The following ANK3 variants were observed in gnomAD, a reference collection of about 807,000 sequenced individuals.
ANK3 encodes ankyrin 3.
Under a neutral mutation model 370.9 loss-of-function variants are expected in ANK3, and 57 were observed. The ratio of observed to expected loss-of-function variants is 0.15; its 90% CI spans 0.12 to 0.19. ANK3 has a LOEUF of 0.19. Ranked by LOEUF, ANK3 falls within the 10% of genes least tolerant of loss-of-function variation. The probability of loss-of-function intolerance (pLI) is 1.00; values close to 1 mark genes in which losing one functional copy is unlikely to be tolerated. For synonymous variants in ANK3, 1,929 were observed against 1,946.3 expected (o/e 0.99, Z 0.23); for missense variants, 4,439 against 5,302.1 (o/e 0.84, Z 5.06).
intron 1 of ANK3, among the ~76,000 whole-genome samples, chr10:60,687,965 C>G (rs929953513): frequency 2.0e-5 from 3 of 152,128 alleles, no homozygotes; most frequent in African/African-American, 4.8e-5. Flanking sequence ...GTGACAGAGA[C>G]ACAAACATTT....
chr10:60,684,437 T>A (rs2079241167), intron 1 of ANK3: 3 of 882,160 alleles, frequency 3.4e-6, no homozygotes, highest in Non-Finnish European at 5.1e-6. Flanking sequence ...TTGGATCACC[T>A]ACGAAGAGAA....
intron 6 of ANK3, among the ~76,000 whole-genome samples, chr10:60,262,213 T>C (rs929789749): frequency 1.3e-5 from 2 of 152,172 alleles, no homozygotes; most frequent in African/African-American, 4.8e-5. Context: ...AACAGAACTA[T>C]ATAAAAGCCA....
chr10:60,469,812 T>C (rs1394975885), intron 2 of ANK3, among the ~76,000 whole-genome samples: 1 of 151,110 alleles, frequency 6.6e-6, no homozygotes, highest in African/African-American at 2.4e-5. Context: ...CATTATCAAT[T>C]AGTCACATCC....
In ANK3 at chr10:60,573,476, G is replaced by C. The variant is rs16915152; in HGVS notation, c.96+41710C>G. ...ATTCTGTGCTTCTTGACTGTGTTTA[G>C]GGCAGTGCAGGTCTCAGATCACATT... is the stretch of plus-strand genomic sequence containing the variant. On this transcript the variant is annotated intron_variant, in intron 2 of 43. Transcript: ENST00000373827. Among the ~76,000 whole-genome samples, 646 of 152,194 alleles carry C rather than the reference G, an allele frequency of 4.2e-3. 18 individuals are homozygous for C. In the East Asian group the frequency reaches 0.093, roughly 22 times the overall value.
Position 60,222,422 on chromosome 10 carries a change from T to TAA in ANK3, c.898-8914_898-8913dup, listed in dbSNP as rs34886163. Among the ~76,000 whole-genome samples the TAA allele has an allele frequency of 3.0e-3, 429 of 144,784 alleles. 2 individuals carry two copies. Among genetic ancestry groups the TAA allele is most frequent in the African/African-American group, 5.8e-3 (227 of 39,152 alleles). The allele number at this position is 144,784 out of a possible 152,430, so 95.0% of individuals were successfully genotyped here. ...TTTAATGATTCACACTTAATTCAGTTAAAAAAAAAAAAAAGAGGAGGAAAA... is the reference window on the plus strand; with the variant it reads ...TTTAATGATTCACACTTAATTCAGTTAAAAAAAAAAAAAAAAGAGGAGGAAAA... On this transcript the variant is annotated intron_variant, in intron 8 of 43. Coordinates refer to ENST00000280772, the MANE Select transcript of ANK3 (RefSeq NM_020987.5).
chr10:60,218,101 T>C (rs7090966), intron 8 of ANK3, among the ~76,000 whole-genome samples: 45,917 of 103,564 alleles, frequency 0.44, 7,570 homozygotes, highest in East Asian at 0.51. Flanking sequence ...TTCTTTCTTT[T>C]TTTTTTTTTT....
chr10:60,191,633 G>A (rs143669504), intron 16 of ANK3, among the ~76,000 whole-genome samples: 23 of 152,256 alleles, frequency 1.5e-4, no homozygotes, highest in Middle Eastern at 3.4e-3. Flanking sequence ...TAGTAGGAAC[G>A]TAAATTAATA....
chr10:60,384,086 G>C (rs1349325565), intron 1 of ANK3, among the ~76,000 whole-genome samples: 2 of 152,084 alleles, frequency 1.3e-5, no homozygotes, highest in Non-Finnish European at 2.9e-5. Flanking sequence ...GTATTTTTAA[G>C]CCTTAGTTTT....
chr10:60,357,420 C>G (rs762520923), intron 1 of ANK3, among the ~76,000 whole-genome samples: 1 of 152,158 alleles, frequency 6.6e-6, no homozygotes, highest in African/African-American at 2.4e-5. Context: ...CTTCCACTAT[C>G]GATCACCTCC....
chr10:60,453,749 C>G (rs909757894), intron 2 of ANK3, among the ~76,000 whole-genome samples: 6 of 152,108 alleles, frequency 3.9e-5, no homozygotes, highest in South Asian at 2.1e-4. Context: ...CAGACAGACA[C>G]ACACACACAC....
Position 60,304,097 on chromosome 10 carries a change from G to A in ANK3, c.115-24458C>T, listed in dbSNP as rs552809124. Among the ~76,000 whole-genome samples the A allele has an allele frequency of 1.8e-3, 269 of 151,980 alleles. 1 individual carries two copies. Among genetic ancestry groups the A allele is most frequent in the African/African-American group, 5.9e-3 (246 of 41,510 alleles). ...GAAACAGAGAGTAGAAGGGCTAGGA[G>A]TAGAAGAGAAAATGAGAAGATGTTG... On this transcript the variant is annotated intron_variant, in intron 1 of 43. Coordinates refer to ENST00000280772, the MANE Select transcript of ANK3 (RefSeq NM_020987.5).
chr10:60,204,762 G>A (rs2096735755), intron 11 of ANK3, among the ~76,000 whole-genome samples: 1 of 152,124 alleles, frequency 6.6e-6, no homozygotes, highest in African/African-American at 2.4e-5. Flanking sequence ...TCTTGGGGGT[G>A]CCACTGAGTC....
At chr10:60,608,081 T>G (rs919040273) in intron 2 of ANK3, among the ~76,000 whole-genome samples, 2 of 152,044 alleles carry the variant, frequency 1.3e-5, no homozygotes, top group African/African-American at 4.8e-5. Flanking sequence ...GAAATCTGGG[T>G]TCAAACAGAG....
At chr10:60,138,745 G>T in intron 24 of ANK3, 1 of 579,780 alleles carries the variant, frequency 1.7e-6, no homozygotes, top group Non-Finnish European at 2.9e-6. Flanking sequence ...AAAAAAAAAA[G>T]AACACACAAT....
intron 2 of ANK3, among the ~76,000 whole-genome samples, chr10:60,479,197 A>G (rs570671695): frequency 2.0e-5 from 3 of 152,174 alleles, no homozygotes; most frequent in Non-Finnish European, 4.4e-5. Context: ...ACTGTCATGC[A>G]CCACATAACG....
chr10:60,475,103 C>T (rs1432671100), intron 2 of ANK3, among the ~76,000 whole-genome samples: 1 of 152,130 alleles, frequency 6.6e-6, no homozygotes, highest in Admixed American at 6.5e-5. Context: ...AACTTGCTGG[C>T]AGCACTGAAA....
chr10:60,352,849 T>G (rs2057101298), intron 1 of ANK3, among the ~76,000 whole-genome samples: 1 of 152,210 alleles, frequency 6.6e-6, no homozygotes, highest in African/African-American at 2.4e-5. Flanking sequence ...ACAGTACAGT[T>G]AAATTATACT....
intron 1 of ANK3, among the ~76,000 whole-genome samples, chr10:60,662,477 C>T (rs982134636): frequency 3.3e-5 from 5 of 152,128 alleles, no homozygotes; most frequent in African/African-American, 7.2e-5. Flanking sequence ...CCTTAACAAT[C>T]TTAGGATTTG....
chr10:60,443,526 A>G (rs2064354687), intron 2 of ANK3, among the ~76,000 whole-genome samples: 1 of 152,178 alleles, frequency 6.6e-6, no homozygotes, highest in African/African-American at 2.4e-5. Flanking sequence ...CGTGTTTTTC[A>G]ATGCTTACTG....
Sources: allele counts gnomAD v4.1 joint callset (sites outside exome capture counted in the v4.1 genomes callset), GRCh38; gene constraint gnomAD v4.1.1; transcripts MANE v1.5; gene names NCBI Gene and HGNC (gene_info 2026-07-23, HGNC 2026-07-21).